TMA16: variants seen among roughly 807,000 people sequenced by gnomAD.
TMA16 encodes translation machinery-associated protein 16.
TMA16 carries 26 observed loss-of-function variants against 27.1 expected under a neutral mutation model. The ratio of observed to expected loss-of-function variants is 0.96; its 90% confidence interval spans 0.70 to 1.33. The LOEUF (loss-of-function observed/expected upper bound fraction) is 1.33, where lower values mean the gene tolerates loss of function less well. Ranked by LOEUF, TMA16 falls within the 40% of genes most tolerant of loss-of-function variation. TMA16 has a pLI of 0.00. For missense variants in TMA16, 233 were observed against 241.4 expected (o/e 0.97, Z 0.23); for synonymous variants, 71 against 81.9 (o/e 0.87, Z 0.72).
rs1256810016 is a variant in TMA16, at chr4:163,494,737, C to T, written c.-65C>T. On this transcript the variant is annotated 5_prime_UTR_variant, in exon 1 of 7. Coordinates refer to ENST00000358572, the MANE Select transcript of TMA16 (RefSeq NM_018352.3). ...CGGGTGCTCTTGTGAGCTGCTGCTC[C>T]TGCGGTTGGTGAGATTACCTGGGTC... is the stretch of plus-strand genomic sequence containing the variant. 8.1e-6 allele frequency: 13 copies of T among 1,611,986 alleles called. No homozygotes were observed. The South Asian group carries it at 1.2e-4, about 15-fold the overall frequency.
chr4:163,510,110 A>C (rs1425487020), intron 2 of TMA16, among the ~76,000 whole-genome samples: 1 of 152,180 alleles, frequency 6.6e-6, no homozygotes, highest in Non-Finnish European at 1.5e-5. Context: ...GTCCATTCAG[A>C]ATTATTGCAA....
intron 3 of TMA16, 22 bp from the exon 4 acceptor site, chr4:163,514,052 T>C: frequency 6.4e-7 from 1 of 1,570,440 alleles, no homozygotes; most frequent in South Asian, 1.1e-5. Context: ...GGGTAAACTG[T>C]CTTGGTACTT....
At chr4:163,495,965 CATT>C (rs1298293471) in intron 1 of TMA16, among the ~76,000 whole-genome samples, 1 of 152,258 alleles carries the variant, frequency 6.6e-6, no homozygotes, top group East Asian at 1.9e-4. Flanking sequence ...AATTACATCT[CATT>C]GTGTTTGAGT....
intron 2 of TMA16, among the ~76,000 whole-genome samples, chr4:163,511,572 A>G (rs1737797983): frequency 6.6e-6 from 1 of 151,772 alleles, no homozygotes; most frequent in Non-Finnish European, 1.5e-5. Flanking sequence ...GTGCTTTGGG[A>G]GGCCAAGGTG....
intron 3 of TMA16, among the ~76,000 whole-genome samples, chr4:163,513,079 AC>A (rs1344031538): frequency 6.6e-6 from 1 of 152,082 alleles, no homozygotes; most frequent in African/African-American, 2.4e-5. Context: ...ATATTTATCT[AC>A]CTACCTACCT....
intron 1 of TMA16, among the ~76,000 whole-genome samples, chr4:163,504,040 T>C (rs1178969332): frequency 6.6e-6 from 1 of 152,202 alleles, no homozygotes; most frequent in Non-Finnish European, 1.5e-5. Flanking sequence ...AGGACGTTTT[T>C]ATATTCAAGG....
At chr4:163,497,155 T>G (rs1396008455) in intron 1 of TMA16, among the ~76,000 whole-genome samples, 1 of 152,190 alleles carries the variant, frequency 6.6e-6, no homozygotes, top group African/African-American at 2.4e-5. Flanking sequence ...ACTGACTACC[T>G]TAATGGTAGA....
chr4:163,515,343 G>A lies in TMA16; in HGVS notation c.270G>A (p.Glu90=). The change falls in exon 5 of 7, where the codon GAG becomes GAA. Residue 90 remains glutamate, a synonymous_variant. Transcript: ENST00000358572. ...RYLNRFSSEL[E]QIELHNSIRD... is the part of the protein sequence containing the mutation. The stretch of plus-strand genomic sequence containing the variant: ...TAAATCGATTCAGCAGTGAGCTGGA[G>A]CAGATTGAGTTACATAACAGTATCA... 2.5e-6 allele frequency: 4 copies of A among 1,612,776 alleles called. No individual in the cohort carries two copies. Among genetic ancestry groups the A allele is most frequent in the Non-Finnish European group, 3.4e-6 (4 of 1,179,676 alleles).
chr4:163,503,196 G>A (rs28394557), intron 1 of TMA16, among the ~76,000 whole-genome samples: 1 of 152,034 alleles, frequency 6.6e-6, no homozygotes, highest in African/African-American at 2.4e-5. Flanking sequence ...CTACTGACTC[G>A]TTTCCCAGAA....
rs1292825207 is a variant in TMA16, at chr4:163,519,486, C to T, written c.584C>T (p.Ser195Leu). 13 of 1,599,800 alleles carry T rather than the reference C, an allele frequency of 8.1e-6. No individual in the cohort carries two copies. Among genetic ancestry groups the T allele is most frequent in the Non-Finnish European group, 1.1e-5 (13 of 1,175,294 alleles). Residue 195 changes from serine to leucine, a missense_variant, in exon 7 of 7, where the codon TCA becomes TTA. Coordinates refer to ENST00000358572, the MANE Select transcript of TMA16 (RefSeq NM_018352.3). Reference sequence around the variant, plus strand: ...GAACTAAACGATGAATCAAGTGATTCAGATGAGGAAATGACTGCAGTGGCC... The same window carrying T: ...GAACTAAACGATGAATCAAGTGATTTAGATGAGGAAATGACTGCAGTGGCC... Reference protein sequence around the residue: ...ELELNDESSDSDEEMTAVA With the variant: ...ELELNDESSDLDEEMTAVA
rs777393095 is a variant in TMA16, at chr4:163,507,139, A to AG, written c.112dup (p.Glu38GlyfsTer6). On this transcript the variant is annotated frameshift_variant, in exon 2 of 7. Coordinates refer to ENST00000358572, the MANE Select transcript of TMA16 (RefSeq NM_018352.3). LOFTEE classifies it high-confidence loss of function. The stretch of plus-strand genomic sequence containing the variant: ...AGAGAGGCCCACAAACAAGAAAAAA[A>AG]GGAAAAGTAAGTATCTTTTCATCAT... 141 of 1,569,310 alleles carry AG rather than the reference A, an allele frequency of 9.0e-5. No homozygotes were observed. Among genetic ancestry groups the AG allele is most frequent in the Non-Finnish European group, 2.2e-5 (26 of 1,155,608 alleles).
chr4:163,507,426 T>C (rs963147101), intron 2 of TMA16, among the ~76,000 whole-genome samples: 1 of 152,116 alleles, frequency 6.6e-6, no homozygotes, highest in Non-Finnish European at 1.5e-5. Flanking sequence ...GGGATAGTCA[T>C]GGAAGCCTTC....
chr4:163,504,491 C>G (rs1369375586), intron 1 of TMA16, among the ~76,000 whole-genome samples: 1 of 151,990 alleles, frequency 6.6e-6, no homozygotes, highest in African/African-American at 2.4e-5. Flanking sequence ...GGAGAGTCTA[C>G]TTCTTTTTGT....
At position 163,513,002 on chromosome 4, in the gene TMA16, A is replaced by G. The variant is rs575172688; in HGVS notation, c.154+143A>G. 4.4e-5 allele frequency: 24 copies of G among 550,570 alleles called. No homozygotes were observed. In the East Asian group the frequency reaches 6.9e-4, roughly 16 times the overall value. 34.1% of individuals were successfully genotyped at this position (550,570 alleles called of 1,614,324 possible). A position where few individuals can be genotyped will look rare whatever the true frequency, so the allele number is the denominator to read the frequency against. On this transcript the variant is annotated intron_variant, in intron 3 of 6. Coordinates refer to ENST00000358572, the MANE Select transcript of TMA16 (RefSeq NM_018352.3). ...GACTTGATCTAAACAAAGCAAATCA[A>G]TCATTAAACTTTTGGAATAAACAGT...
intron 1 of TMA16, among the ~76,000 whole-genome samples, chr4:163,497,308 C>T (rs1259737064): frequency 6.6e-6 from 1 of 152,168 alleles, no homozygotes; most frequent in Non-Finnish European, 1.5e-5. Flanking sequence ...GGAAATCTAC[C>T]TAGTATACCA....
intron 6 of TMA16, 46 bp downstream of exon 6, chr4:163,517,522 C>T (rs1477124567): frequency 6.5e-7 from 1 of 1,545,686 alleles, no homozygotes; most frequent in Admixed American, 1.9e-5. Flanking sequence ...TGTAAAGTAC[C>T]TGACAGGTGA....
chr4:163,495,641 A>T (rs964517088), intron 1 of TMA16, among the ~76,000 whole-genome samples: 7 of 152,134 alleles, frequency 4.6e-5, no homozygotes, highest in African/African-American at 1.7e-4. Flanking sequence ...TTTTCAATTA[A>T]TTTTTAATAA....
At chr4:163,503,332 T>A (rs993020433) in intron 1 of TMA16, among the ~76,000 whole-genome samples, 5 of 151,802 alleles carry the variant, frequency 3.3e-5, no homozygotes, top group African/African-American at 1.2e-4. Flanking sequence ...AAAAAAAAAA[T>A]GTATTTACGT....
chr4:163,519,276 T>C (rs572794474), intron 6 of TMA16, 58 bp from the exon 7 acceptor site: 80 of 1,441,958 alleles, frequency 5.5e-5, no homozygotes, highest in South Asian at 3.1e-4. Context: ...ATCTCCTGTT[T>C]TTCCACATTA....
Sources: gnomAD v4.1 joint callset for allele counts (sites outside exome capture counted in the v4.1 genomes callset) on GRCh38, gnomAD v4.1.1 for gene constraint, MANE v1.5 for transcripts, NCBI Gene and HGNC (gene_info 2026-07-23, HGNC 2026-07-21) for gene names.